The following PRKN variants were observed in gnomAD, a reference collection of about 807,000 sequenced individuals.
PRKN encodes the protein E3 ubiquitin-protein ligase parkin.
PRKN carries 56 observed loss-of-function variants against 59.5 expected under a neutral mutation model. The ratio of observed to expected loss-of-function variants is 0.94; its 90% CI spans 0.76 to 1.18. The LOEUF (loss-of-function observed/expected upper bound fraction) is 1.18, where lower values mean the gene tolerates loss of function less well. PRKN is among the 50% of genes most tolerant of loss of function. The pLI is 0.00. For synonymous variants in PRKN, 250 were observed against 222.1 expected (o/e 1.13, Z -1.12); for missense variants, 657 against 596.4 (o/e 1.10, Z -1.06).
chr6:161,830,400 C>T (rs565361080), intron 6 of PRKN, among the ~76,000 whole-genome samples: 50 of 152,120 alleles, frequency 3.3e-4, no homozygotes, highest in African/African-American at 1.1e-3. Context: ...TACAGGTGCC[C>T]GCCACCATGC....
intron 7 of PRKN, among the ~76,000 whole-genome samples, chr6:161,685,259 C>T (rs547260420): frequency 6.6e-5 from 10 of 152,282 alleles, no homozygotes; most frequent in African/African-American, 2.2e-4. Context: ...TGTGCAAATT[C>T]TCATCGGCCA....
intron 1 of PRKN, among the ~76,000 whole-genome samples, chr6:162,637,092 TA>T (rs374685584): frequency 2.0e-5 from 3 of 151,294 alleles, no homozygotes; most frequent in Non-Finnish European, 4.4e-5. Flanking sequence ...CCATCTCTAC[TA>T]AAAAATAAAA....
chr6:161,918,353 T>C (rs1202670464), intron 6 of PRKN, among the ~76,000 whole-genome samples: 2 of 152,234 alleles, frequency 1.3e-5, no homozygotes, highest in South Asian at 2.1e-4. Context: ...TAAAGAGTTA[T>C]TGTCTTAATC....
chr6:162,676,514 G>C (rs1161651528), intron 1 of PRKN, among the ~76,000 whole-genome samples: 3 of 152,190 alleles, frequency 2.0e-5, no homozygotes, highest in Non-Finnish European at 4.4e-5. Flanking sequence ...CAATAACATA[G>C]ATTTCTGAAG....
At chr6:162,233,213 A>G (rs1778498331) in intron 3 of PRKN, among the ~76,000 whole-genome samples, 1 of 152,166 alleles carries the variant, frequency 6.6e-6, no homozygotes, top group Non-Finnish European at 1.5e-5. Flanking sequence ...TCCAATATCT[A>G]TATGTAAAGG....
Position 162,702,502 on chromosome 6 carries a change from C to G in PRKN, c.7+25160G>C, listed in dbSNP as rs1371059848. Among the ~76,000 whole-genome samples the G allele has an allele frequency of 1.1e-4, 17 of 152,136 alleles. No homozygotes were observed. The East Asian group carries it at 3.3e-3, about 29-fold the overall frequency. On this transcript the variant is annotated intron_variant, in intron 1 of 11. Coordinates refer to ENST00000366898, the MANE Select transcript of PRKN (RefSeq NM_004562.3). The stretch of plus-strand genomic sequence containing the variant: ...TTTCTCCCTCAGCCCTCCCTACCTA[C>G]TATCTTGATTCTGCAAACAGCAGAA...
intron 6 of PRKN, among the ~76,000 whole-genome samples, chr6:161,798,417 C>CTGT (rs1381823157): frequency 1.3e-5 from 2 of 152,256 alleles, no homozygotes; most frequent in African/African-American, 4.8e-5. Flanking sequence ...AAACGAGGAC[C>CTGT]TGTGACATCA....
rs531655003 is a variant in PRKN at position 161,460,220 on chromosome 6, C to T, written c.1084-73343G>A. ...TATAATCCGTGTTATTTTAGGATGT[C>T]ACAGAGGTTGCAACAAAAGATTATT... is the stretch of plus-strand genomic sequence containing the variant. On this transcript the variant is annotated intron_variant, in intron 9 of 11. Transcript: ENST00000366898. This position sits in a 1 kb window ranked among gnomAD's most constrained non-coding sequence, Gnocchi z 5.0. Among the ~76,000 whole-genome samples the T allele has an allele frequency of 7.9e-5, 12 of 152,266 alleles. No individual in the cohort carries two copies. The highest frequency in any genetic ancestry group is 2.4e-4 in the African/African-American group (10 of 41,540).
intron 1 of PRKN, among the ~76,000 whole-genome samples, chr6:162,519,345 C>T (rs553534395): frequency 1.2e-4 from 18 of 152,224 alleles, no homozygotes; most frequent in African/African-American, 3.9e-4. Flanking sequence ...GTAGCTTGAG[C>T]GCTAGTGTGT....
intron 9 of PRKN, among the ~76,000 whole-genome samples, chr6:161,418,831 C>G (rs865904238): frequency 6.6e-6 from 1 of 152,174 alleles, no homozygotes; most frequent in Non-Finnish European, 1.5e-5. Flanking sequence ...ATGTTTGTAC[C>G]TCAGATCTAA....
At chr6:161,848,108 A>G (rs1583241913) in intron 6 of PRKN, among the ~76,000 whole-genome samples, 1 of 152,226 alleles carries the variant, frequency 6.6e-6, no homozygotes, top group African/African-American at 2.4e-5. Context: ...GATGTCAGGT[A>G]CCGCCTCTTC....
chr6:161,923,226 T>C (rs559529426), intron 6 of PRKN, among the ~76,000 whole-genome samples: 2 of 152,234 alleles, frequency 1.3e-5, no homozygotes, highest in Non-Finnish European at 2.9e-5. Context: ...CTCATGCCTA[T>C]AATCCCAGCA....
intron 2 of PRKN, among the ~76,000 whole-genome samples, chr6:162,431,422 A>G (rs991017519): frequency 3.9e-5 from 6 of 152,074 alleles, no homozygotes; most frequent in Admixed American, 2.6e-4. Flanking sequence ...TAAAAACACT[A>G]TATGTAAAAC....
At chr6:162,058,899 C>T (rs1193187793) in intron 4 of PRKN, among the ~76,000 whole-genome samples, 2 of 149,316 alleles carry the variant, frequency 1.3e-5, no homozygotes, top group African/African-American at 5.0e-5. Flanking sequence ...TTGCAGTGGG[C>T]CGAGATCACA....
chr6:162,586,137 C>T (rs1562411023), intron 1 of PRKN, among the ~76,000 whole-genome samples: 1 of 152,138 alleles, frequency 6.6e-6, no homozygotes, highest in Non-Finnish European at 1.5e-5. Context: ...AGGATTCACC[C>T]CCATTTAGCC....
intron 5 of PRKN, among the ~76,000 whole-genome samples, chr6:162,017,193 T>C (rs766529152): frequency 2.6e-5 from 4 of 152,220 alleles, no homozygotes; most frequent in Non-Finnish European, 5.9e-5. Flanking sequence ...ATATATCTTA[T>C]GGAGTCAGCT....
intron 2 of PRKN, among the ~76,000 whole-genome samples, chr6:162,356,937 A>G (rs1385901038): frequency 6.6e-6 from 1 of 152,100 alleles, no homozygotes; most frequent in African/African-American, 2.4e-5. Context: ...AAAATAGAAT[A>G]AATCATTACA....
At chr6:162,637,562 G>A (rs1472056844) in intron 1 of PRKN, among the ~76,000 whole-genome samples, 1 of 151,986 alleles carries the variant, frequency 6.6e-6, no homozygotes, top group Non-Finnish European at 1.5e-5. Context: ...TGAGTCCCAT[G>A]GACATTCCTT....
At chr6:162,078,841 T>A (rs1778939345) in intron 4 of PRKN, among the ~76,000 whole-genome samples, 3 of 150,604 alleles carry the variant, frequency 2.0e-5, no homozygotes, top group African/African-American at 7.4e-5. Flanking sequence ...ATAGGGTTAC[T>A]AAGCAAGATT....
Sources: allele counts gnomAD v4.1 joint callset (sites outside exome capture counted in the v4.1 genomes callset), GRCh38; gene constraint gnomAD v4.1.1; non-coding constraint Gnocchi (gnomAD v3.1); transcripts MANE v1.5; gene names NCBI Gene and HGNC (gene_info 2026-07-23, HGNC 2026-07-21).